Variants in TRPM7 observed in about 807,000 individuals in gnomAD.
TRPM7 encodes the protein LTRPC ion channel family member 7.
TRPM7 carries 134 observed loss-of-function variants against 229.7 expected under a neutral mutation model. The ratio of observed to expected loss-of-function variants is 0.58; its 90% CI spans 0.51 to 0.67. The LOEUF is 0.67. TRPM7 is among the 30% of genes least tolerant of loss of function. TRPM7 has a pLI of 0.00. For synonymous variants in TRPM7, 699 were observed against 715.2 expected, an observed-to-expected ratio of 0.98 and a Z score of 0.36; for missense variants, 1,901 against 2,210.0, an observed-to-expected ratio of 0.86 and a Z score of 2.80.
chr15:50,634,355 T>C, intron 8 of TRPM7, 27 bp downstream of exon 8: 1 of 1,431,774 alleles, frequency 7.0e-7, no homozygotes, highest in Non-Finnish European at 9.2e-7. Context: ...ATAAATAAAA[T>C]TAATTAAAAT....
chr15:50,673,342 A>C (rs922942601), intron 1 of TRPM7, among the ~76,000 whole-genome samples: 1 of 152,062 alleles, frequency 6.6e-6, no homozygotes, highest in Non-Finnish European at 1.5e-5. Flanking sequence ...TTTAGTGGTG[A>C]CTTGTGAGAT....
intron 3 of TRPM7, 147 bp downstream of exon 3, chr15:50,657,634 T>C: frequency 1.5e-6 from 1 of 657,382 alleles, no homozygotes. Flanking sequence ...CAGCCTTGAC[T>C]GACCCTTCAC....
chr15:50,614,814 G>T (rs1044519559), intron 13 of TRPM7, among the ~76,000 whole-genome samples: 1 of 152,082 alleles, frequency 6.6e-6, no homozygotes, highest in Non-Finnish European at 1.5e-5. Context: ...CCTGAGACAG[G>T]AGTATGACCT....
Position 50,637,513 on chromosome 15 carries a change from C to G in TRPM7, c.741G>C (p.Leu247Phe). Reference protein sequence around the residue: ...VLNNLHSHFILVDDGTVGKYG... With the variant: ...VLNNLHSHFIFVDDGTVGKYG... ...ACTTTCCAACAGTGCCATCATCCAC[C>G]AATATGAAATGGGAATGCAGATTAT... The change falls in exon 7 of 39, where the codon TTG (leucine) becomes TTC (phenylalanine). Residue 247 changes from leucine (L) to phenylalanine (F), a missense_variant. Coordinates refer to ENST00000646667, the MANE Select transcript of TRPM7 (RefSeq NM_017672.6). 6.2e-7 allele frequency: 1 copy of G among 1,614,064 alleles called. No homozygotes were observed. The highest frequency in any genetic ancestry group is 8.5e-7 in the Non-Finnish European group (1 of 1,179,996).
At chr15:50,625,763 G>T (rs1476045381) in intron 11 of TRPM7, among the ~76,000 whole-genome samples, 1 of 151,990 alleles carries the variant, frequency 6.6e-6, no homozygotes, top group African/African-American at 2.4e-5. Flanking sequence ...AAGATGAAAG[G>T]TATGTTTTCT....
intron 31 of TRPM7, 151 bp from the exon 32 acceptor site, chr15:50,576,070 G>T: frequency 2.7e-6 from 2 of 738,068 alleles, no homozygotes; most frequent in South Asian, 1.9e-5. Flanking sequence ...TATGTCCACT[G>T]TGCTATATTA....
At chr15:50,608,276 T>C (rs1226631467) in intron 19 of TRPM7, among the ~76,000 whole-genome samples, 2 of 149,316 alleles carry the variant, frequency 1.3e-5, no homozygotes, top group East Asian at 2.0e-4. Context: ...TATAAATACA[T>C]GTGAGTATTT....
chr15:50,570,786 C>T (rs1024988386), intron 36 of TRPM7, among the ~76,000 whole-genome samples: 4 of 149,818 alleles, frequency 2.7e-5, no homozygotes, highest in African/African-American at 4.9e-5. Flanking sequence ...ACCTGGGAGG[C>T]GGAGGTTGCA....
chr15:50,612,078 A>T (rs2060076157), intron 16 of TRPM7, among the ~76,000 whole-genome samples: 1 of 152,204 alleles, frequency 6.6e-6, no homozygotes, highest in Admixed American at 6.5e-5. Flanking sequence ...TGCAAAAATT[A>T]AAATGAATTC....
chr15:50,630,713 C>A (rs1012633688), intron 10 of TRPM7, among the ~76,000 whole-genome samples: 1 of 152,126 alleles, frequency 6.6e-6, no homozygotes, highest in Non-Finnish European at 1.5e-5. Context: ...CTTGCTGTCA[C>A]CCAGGCTGGA....
chr15:50,626,961 T>C (rs531229490), intron 11 of TRPM7, among the ~76,000 whole-genome samples: 27 of 152,272 alleles, frequency 1.8e-4, no homozygotes, highest in South Asian at 1.2e-3. Flanking sequence ...AAGGAGAATT[T>C]GCCACAATTA....
chr15:50,573,655 TA>T (rs1239602408), intron 36 of TRPM7, among the ~76,000 whole-genome samples: 1 of 152,266 alleles, frequency 6.6e-6, no homozygotes, highest in African/African-American at 2.4e-5. Context: ...AGGTATTTGT[TA>T]TTTTTAAAGA....
intron 28 of TRPM7, among the ~76,000 whole-genome samples, chr15:50,583,578 T>TTTA (rs1476921565): frequency 9.1e-5 from 10 of 109,540 alleles, no homozygotes; most frequent in Admixed American, 7.0e-4. Context: ...GCTTAGAGTT[T>TTTA]TGTTTTTTTT....
chr15:50,663,909 G>C (rs1286969220), intron 1 of TRPM7, among the ~76,000 whole-genome samples: 1 of 152,096 alleles, frequency 6.6e-6, no homozygotes, highest in Non-Finnish European at 1.5e-5. Flanking sequence ...GATGCAGTCA[G>C]CCATGATCAG....
rs1481491938 is a variant in TRPM7 at position 50,594,492 on chromosome 15, T to C, written c.3412A>G (p.Ile1138Val). Residue 1138 changes from isoleucine to valine, a missense_variant, in exon 24 of 39, where the codon ATA (isoleucine) becomes GTA (valine). Transcript: ENST00000646667. ...LPPPLIILSH[I>V]VSLFCCICKR... is the part of the protein sequence containing the mutation. ...CATATGCAGCAAAACAGAGAAACTATATGGCTAAGAATGATAAGTGGAGGA... is the reference window on the plus strand; with the variant it reads ...CATATGCAGCAAAACAGAGAAACTACATGGCTAAGAATGATAAGTGGAGGA... 8.7e-6 allele frequency: 14 copies of C among 1,613,320 alleles called. No individual in the cohort carries two copies. Among genetic ancestry groups the C allele is most frequent in the Admixed American group, 1.7e-5 (1 of 59,952 alleles).
chr15:50,599,323 T>TACAAGGAAGTTTAA, intron 21 of TRPM7, 27 bp from the exon 22 acceptor site: 1 of 1,548,864 alleles, frequency 6.5e-7, no homozygotes, highest in Non-Finnish European at 8.8e-7. Context: ...ACTGTTAAAA[T>TACAAGGAAGTTTAA]ACAAGGAAGT....
chr15:50,570,928 T>C (rs1423985398), intron 36 of TRPM7, among the ~76,000 whole-genome samples: 2 of 151,718 alleles, frequency 1.3e-5, no homozygotes, highest in South Asian at 4.2e-4. Context: ...CATTAACACA[T>C]ATCACATTTT....
chr15:50,664,308 CAA>C (rs36108092), intron 1 of TRPM7, among the ~76,000 whole-genome samples: 3 of 58,908 alleles, frequency 5.1e-5, no homozygotes, highest in South Asian at 6.1e-4. Context: ...GACTCCGTCT[CAA>C]AAAAAAAAAA....
At chr15:50,664,397 G>T (rs2061826908) in intron 1 of TRPM7, among the ~76,000 whole-genome samples, 1 of 151,798 alleles carries the variant, frequency 6.6e-6, no homozygotes, top group Non-Finnish European at 1.5e-5. Context: ...AAGCATAAGG[G>T]CATGGAATGG....
Sources: allele counts gnomAD v4.1 joint callset (sites outside exome capture counted in the v4.1 genomes callset), GRCh38; gene constraint gnomAD v4.1.1; transcripts MANE v1.5; gene names NCBI Gene and HGNC (gene_info 2026-07-23, HGNC 2026-07-21).